Variants in RBFOX1 observed in about 807,000 individuals in gnomAD.
RBFOX1 encodes RNA binding protein fox-1 homolog 1.
In RBFOX1, 8 loss-of-function variants were observed where a neutral mutation model predicts 57.7. That is an observed-to-expected ratio of 0.14 (90% confidence interval 0.08 to 0.25). The LOEUF (loss-of-function observed/expected upper bound fraction) is 0.25. Among genes scored for constraint, RBFOX1 ranks in the 10% least tolerant of loss-of-function variants. The pLI is 1.00. For synonymous variants in RBFOX1, 326 were observed against 222.4 expected (o/e 1.47, Z -4.15); for missense variants, 611 against 548.5 (o/e 1.11, Z -1.14).
intron 3 of RBFOX1, among the ~76,000 whole-genome samples, chr16:5,786,667 C>T (rs2054510888): frequency 6.6e-6 from 1 of 152,174 alleles, no homozygotes; most frequent in African/African-American, 2.4e-5. Flanking sequence ...CATCCCAAAC[C>T]TGGACATCAT....
intron 2 of RBFOX1, among the ~76,000 whole-genome samples, chr16:6,328,919 C>G (rs79815058): frequency 6.6e-6 from 1 of 152,012 alleles, no homozygotes; most frequent in African/African-American, 2.4e-5. Context: ...AAATGAAAGA[C>G]AAGGATCCAA....
At chr16:6,582,713 C>G (rs2097553515) in intron 2 of RBFOX1, among the ~76,000 whole-genome samples, 2 of 151,524 alleles carry the variant, frequency 1.3e-5, no homozygotes, top group Non-Finnish European at 2.9e-5. Context: ...CATTTCTCAT[C>G]TTCTTCCTCT....
chr16:7,321,431 C>T (rs1369539187), intron 4 of RBFOX1, among the ~76,000 whole-genome samples: 1 of 152,108 alleles, frequency 6.6e-6, no homozygotes, highest in Non-Finnish European at 1.5e-5. Flanking sequence ...CAGGTGTGAG[C>T]CACCATACCT....
At chr16:7,036,133 C>G (rs1051952264) in intron 3 of RBFOX1, among the ~76,000 whole-genome samples, 1 of 152,080 alleles carries the variant, frequency 6.6e-6, no homozygotes, top group Non-Finnish European at 1.5e-5. Flanking sequence ...GGGATGTCCA[C>G]CTTGGGTGCC....
chr16:7,495,080 T>C (rs1437449132), intron 4 of RBFOX1, among the ~76,000 whole-genome samples: 1 of 152,194 alleles, frequency 6.6e-6, no homozygotes. Flanking sequence ...ACTCGTTTTC[T>C]GTTCCTGCAT....
At chr16:6,228,105 G>A (rs1194279661) in intron 1 of RBFOX1, among the ~76,000 whole-genome samples, 1 of 152,110 alleles carries the variant, frequency 6.6e-6, no homozygotes, top group African/African-American at 2.4e-5. Context: ...GAGGTCAGGA[G>A]TTCGAGACCA....
intron 4 of RBFOX1, among the ~76,000 whole-genome samples, chr16:7,362,403 G>C (rs2097344841): frequency 6.6e-6 from 1 of 151,520 alleles, no homozygotes; most frequent in South Asian, 2.1e-4. Flanking sequence ...GTGATTGTGT[G>C]TATATGTTTT....
At chr16:6,027,768 C>T (rs1429256423) in intron 1 of RBFOX1, among the ~76,000 whole-genome samples, 1 of 151,996 alleles carries the variant, frequency 6.6e-6, no homozygotes, top group Non-Finnish European at 1.5e-5. Context: ...CAAATTGGTC[C>T]CAGAATGTGC....
intron 3 of RBFOX1, among the ~76,000 whole-genome samples, chr16:6,787,845 A>G (rs768524268): frequency 2.0e-5 from 3 of 152,240 alleles, no homozygotes; most frequent in South Asian, 2.1e-4. Flanking sequence ...TTTATATTCT[A>G]TAAAGTTAAC....
At chr16:6,319,774 C>G (rs1241591695) in intron 2 of RBFOX1, among the ~76,000 whole-genome samples, 3 of 152,128 alleles carry the variant, frequency 2.0e-5, no homozygotes, top group Non-Finnish European at 4.4e-5. Context: ...GTAGCAGGGT[C>G]GGTGTTGGAA....
chr16:7,447,809 C>G (rs1056469578), intron 4 of RBFOX1, among the ~76,000 whole-genome samples: 1 of 152,208 alleles, frequency 6.6e-6, no homozygotes, highest in Non-Finnish European at 1.5e-5. Flanking sequence ...TATGGGAAAG[C>G]AGGAGTGGAA....
chr16:7,381,184 G>A (rs1430469467), intron 4 of RBFOX1, among the ~76,000 whole-genome samples: 2 of 152,170 alleles, frequency 1.3e-5, no homozygotes, highest in African/African-American at 4.8e-5. Flanking sequence ...ACTTAAAACA[G>A]CCTCTCATCT....
chr16:5,879,357 G>C (rs945459332), intron 4 of RBFOX1, among the ~76,000 whole-genome samples: 1 of 152,180 alleles, frequency 6.6e-6, no homozygotes, highest in Non-Finnish European at 1.5e-5. Flanking sequence ...AATGGGTTGT[G>C]TGCTCATGTC....
At chr16:7,378,916 C>T (rs1405405528) in intron 4 of RBFOX1, among the ~76,000 whole-genome samples, 1 of 152,172 alleles carries the variant, frequency 6.6e-6, no homozygotes, top group African/African-American at 2.4e-5. Flanking sequence ...CACTGTTTCA[C>T]CAGAAGACAC....
chr16:6,408,054 G>A (rs1444201775), intron 2 of RBFOX1, among the ~76,000 whole-genome samples: 1 of 152,062 alleles, frequency 6.6e-6, no homozygotes, highest in Non-Finnish European at 1.5e-5. Context: ...CCCATCATTT[G>A]AGGACACACA....
rs1567747754 is a variant in RBFOX1 at position 6,892,780 on chromosome 16, CTCTCTCTCTCTCTCTCTCT to C, written c.-15-159276_-15-159258del. On this transcript the variant is annotated intron_variant, in intron 3 of 15. Transcript: ENST00000550418. ...TCTCAAAGCCTCCCTGTCTCCCTCT[CTCTCTCTCTCTCTCTCTCT>C]CTCTCTCTCTCTCTCTCTCTCTCTC... Among the ~76,000 whole-genome samples, 60 of 32,052 alleles carry C rather than the reference CTCTCTCTCTCTCTCTCTCT, an allele frequency of 1.9e-3. 1 individual carries two copies. The South Asian group carries it at 0.055, about 29-fold the overall frequency. The allele number at this position is 32,052 out of a possible 152,430, so 21.0% of individuals were successfully genotyped here.
At chr16:6,449,096 A>T (rs2094542210) in intron 2 of RBFOX1, among the ~76,000 whole-genome samples, 1 of 152,206 alleles carries the variant, frequency 6.6e-6, no homozygotes, top group African/African-American at 2.4e-5. Context: ...CAGGTCTGGA[A>T]TAAAAAAATG....
chr16:6,464,204 T>C (rs1178633122), intron 2 of RBFOX1, among the ~76,000 whole-genome samples: 2 of 152,184 alleles, frequency 1.3e-5, no homozygotes, highest in East Asian at 3.9e-4. Context: ...CAACTTGAAT[T>C]GGCAAAGATT....
chr16:7,609,958 C>T (rs2057110667), intron 10 of RBFOX1, among the ~76,000 whole-genome samples: 1 of 151,354 alleles, frequency 6.6e-6, no homozygotes, highest in Non-Finnish European at 1.5e-5. Context: ...GCTGGGACTA[C>T]AGGTATCCGC....
Sources: gnomAD v4.1 joint callset for allele counts (sites outside exome capture counted in the v4.1 genomes callset) on GRCh38, gnomAD v4.1.1 for gene constraint, MANE v1.5 for transcripts, NCBI Gene and HGNC (gene_info 2026-07-23, HGNC 2026-07-21) for gene names.